Variants in ECE1 observed in about 807,000 individuals in gnomAD.
ECE1 encodes the protein endothelin-converting enzyme 1.
A neutral mutation model predicts 98.6 loss-of-function variants in ECE1; 35 were observed. That is an observed-to-expected ratio of 0.35 (90% CI 0.27 to 0.47). The LOEUF is 0.47. ECE1 is among the 20% of genes least tolerant of loss of function. The probability of loss-of-function intolerance (pLI) is 1.00; values close to 1 mark genes in which losing one functional copy is unlikely to be tolerated. For synonymous variants in ECE1, 394 were observed against 407.1 expected (o/e 0.97, Z 0.39); for missense variants, 814 against 1,025.3 (o/e 0.79, Z 2.81).
chr1:21,314,417 T>C (rs574849593), intron 1 of ECE1, among the ~76,000 whole-genome samples: 83 of 152,284 alleles, frequency 5.5e-4, no homozygotes, highest in African/African-American at 1.9e-3. Context: ...TCAGTCCCAT[T>C]CGGGAGCCAA....
chr1:21,305,061 G>A (rs577865697), intron 1 of ECE1, among the ~76,000 whole-genome samples: 1 of 152,150 alleles, frequency 6.6e-6, no homozygotes, highest in Non-Finnish European at 1.5e-5. Flanking sequence ...CAACATAGAA[G>A]CGCCATGAGC....
intron 1 of ECE1, among the ~76,000 whole-genome samples, chr1:21,310,477 A>G (rs563910069): frequency 1.3e-5 from 2 of 152,298 alleles, no homozygotes; most frequent in African/African-American, 4.8e-5. Context: ...AGCCTGGTTA[A>G]TCGGCTAAAC....
At chr1:21,247,166 C>T in intron 9 of ECE1, 55 bp downstream of exon 9, 2 of 1,613,274 alleles carry the variant, frequency 1.2e-6, no homozygotes, top group African/African-American at 1.3e-5. Context: ...CCCACCTGCC[C>T]AAGAAGAGGG....
intron 13 of ECE1, among the ~76,000 whole-genome samples, chr1:21,234,315 T>C (rs1479011083): frequency 1.3e-5 from 2 of 151,726 alleles, no homozygotes; most frequent in Admixed American, 6.6e-5. Context: ...ATGTGGCAAG[T>C]GTGGCTTTTA....
At chr1:21,273,124 T>G (rs1006079549) in intron 3 of ECE1, among the ~76,000 whole-genome samples, 1 of 152,270 alleles carries the variant, frequency 6.6e-6, no homozygotes, top group Non-Finnish European at 1.5e-5. Context: ...TTCCTGTGGC[T>G]AAAAGGTACC....
intron 1 of ECE1, chr1:21,344,925 C>CTCGT (rs1311560005): frequency 6.5e-6 from 1 of 153,714 alleles, no homozygotes; most frequent in East Asian, 1.9e-4. Context: ...CCAAGGCGAG[C>CTCGT]CCCAGACCGA....
At chr1:21,289,932 C>T in intron 2 of ECE1, 138 bp downstream of exon 2, 1 of 1,128,060 alleles carries the variant, frequency 8.9e-7, no homozygotes, top group Non-Finnish European at 1.1e-6. Flanking sequence ...GGAGGCGCGG[C>T]CCCTCCCGGA....
Position 21,272,842 on chromosome 1 carries a change from G to A in ECE1, c.350C>T (p.Pro117Leu). The A allele has an allele frequency of 6.2e-7, 1 of 1,614,252 alleles. No homozygotes were observed. Among genetic ancestry groups the A allele is most frequent in the Non-Finnish European group, 8.5e-7 (1 of 1,180,042 alleles). ...VTSSILSSMD[P>L]TVDPCHDFFS... Reference sequence around the variant, plus strand: ...GAAGTCATGGCAGGGGTCCACTGTGGGGTCCATGGAGCTCAAGATGGAGCT... The same window carrying A: ...GAAGTCATGGCAGGGGTCCACTGTGAGGTCCATGGAGCTCAAGATGGAGCT... The change falls in exon 4 of 19, where the codon CCC becomes CTC. Residue 117 changes from proline to leucine, a missense_variant. Around this residue, in one of 3 missense-constraint regions of ECE1, gnomAD observed 257 missense variants for 278.9 expected, o/e 0.92. Coordinates refer to ENST00000374893, the MANE Select transcript of ECE1 (RefSeq NM_001397.3).
intron 17 of ECE1, among the ~76,000 whole-genome samples, chr1:21,223,561 G>A (rs1006528809): frequency 1.3e-5 from 2 of 152,158 alleles, no homozygotes; most frequent in Non-Finnish European, 1.5e-5. Flanking sequence ...CCACCTTCCG[G>A]GTTCAAGCAA....
At chr1:21,275,348 A>C (rs1368774993) in intron 3 of ECE1, among the ~76,000 whole-genome samples, 1 of 152,068 alleles carries the variant, frequency 6.6e-6, no homozygotes, top group African/African-American at 2.4e-5. Flanking sequence ...TAATCCCAGC[A>C]CTCTGGGAGG....
intron 12 of ECE1, among the ~76,000 whole-genome samples, chr1:21,236,488 A>G (rs2098188272): frequency 6.6e-6 from 1 of 152,224 alleles, no homozygotes; most frequent in South Asian, 2.1e-4. Flanking sequence ...CATCTCTACT[A>G]AAAATACAAA....
intron 1 of ECE1, among the ~76,000 whole-genome samples, chr1:21,338,905 G>T (rs1023603056): frequency 2.0e-5 from 3 of 149,590 alleles, no homozygotes; most frequent in African/African-American, 7.5e-5. Flanking sequence ...GCTGCCCCAG[G>T]CCCACCCTCC....
At chr1:21,276,802 C>T (rs28367948) in intron 3 of ECE1, among the ~76,000 whole-genome samples, 2,419 of 151,958 alleles carry the variant, frequency 0.016, 31 homozygotes, top group Middle Eastern at 0.1. Flanking sequence ...TCTCCTGCCT[C>T]AACCTCTCGA....
At position 21,319,388 on chromosome 1, in the gene ECE1, A is replaced by G. The variant is rs1048403193; in HGVS notation, c.3+25988T>C. On this transcript the variant is annotated intron_variant, in intron 1 of 18. Transcript: ENST00000415912. The surrounding 1 kb of genome is among the most constrained non-coding windows in gnomAD (Gnocchi z 4.4). ...ATCATAATCATAATCATAATCATAA[A>G]GTGGACTACGCAGGGCTTTTCTAGA... Among the ~76,000 whole-genome samples, 1 of 151,534 alleles carries G rather than the reference A, an allele frequency of 6.6e-6. No individual in the cohort carries two copies. Among genetic ancestry groups the G allele is most frequent in the Non-Finnish European group, 1.5e-5 (1 of 67,970 alleles).
At chr1:21,266,113 G>C (rs370119241) in intron 4 of ECE1, 1 of 152,332 alleles carries the variant, frequency 6.6e-6, no homozygotes, top group Non-Finnish European at 1.5e-5. Context: ...GGAAATGAAC[G>C]CCCAGGCAGG....
intron 8 of ECE1, among the ~76,000 whole-genome samples, chr1:21,253,592 C>A (rs1369189437): frequency 6.7e-6 from 1 of 150,368 alleles, no homozygotes; most frequent in Middle Eastern, 3.2e-3. Flanking sequence ...GAAACCCGGT[C>A]TCTACTAAAA....
intron 4 of ECE1, among the ~76,000 whole-genome samples, chr1:21,272,361 G>A (rs1415071793): frequency 2.0e-5 from 3 of 152,090 alleles, no homozygotes; most frequent in Non-Finnish European, 4.4e-5. Context: ...GCGCGATCTC[G>A]GCTCACTGCA....
chr1:21,293,091 G>A (rs1569683252), upstream of ECE1, among the ~76,000 whole-genome samples: 1 of 152,174 alleles, frequency 6.6e-6, no homozygotes, highest in South Asian at 2.1e-4. Flanking sequence ...CTGGTGTACG[G>A]GATTTGTCAG....
intron 2 of ECE1, among the ~76,000 whole-genome samples, chr1:21,289,298 C>T (rs1399409896): frequency 6.6e-6 from 1 of 152,170 alleles, no homozygotes; most frequent in Non-Finnish European, 1.5e-5. Flanking sequence ...CCTTCCCACG[C>T]ACCTGGCTGG....
Sources: allele counts gnomAD v4.1 joint callset (sites outside exome capture counted in the v4.1 genomes callset), GRCh38; gene constraint gnomAD v4.1.1; regional missense constraint gnomAD v4.1.1; non-coding constraint Gnocchi (gnomAD v3.1); transcripts MANE v1.5; gene names NCBI Gene and HGNC (gene_info 2026-07-23, HGNC 2026-07-21).